The following VEGFC variants were observed in gnomAD, a reference collection of about 807,000 sequenced individuals.
VEGFC encodes the protein vascular endothelial growth factor C, also known as FLT4 ligand DHM.
A neutral mutation model predicts 46.1 loss-of-function variants in VEGFC; 12 were observed. The observed-to-expected ratio is 0.26, with a 90% CI of 0.17 to 0.42. VEGFC has a LOEUF of 0.42. VEGFC is among the 10% of genes least tolerant of loss of function. The pLI is 1.00. For missense variants in VEGFC, 488 were observed against 529.4 expected, an observed-to-expected ratio of 0.92 and a Z score of 0.77; for synonymous variants, 232 against 195.5, an observed-to-expected ratio of 1.19 and a Z score of -1.56.
In VEGFC at chr4:176,781,145, G is replaced by T. The variant is rs549697930; in HGVS notation, c.147+11020C>A. 5.1e-4 allele frequency among the ~76,000 whole-genome samples: 78 copies of T among 152,298 alleles called. 1 individual carries two copies. The highest frequency in any genetic ancestry group is 1.6e-3 in the African/African-American group (65 of 41,558). ...GTTAAGTGTGATGGTCATGACTCAT[G>T]AATAATTTTGGCCTTAATAAAATTC... On this transcript the variant is annotated intron_variant, in intron 1 of 6. Coordinates refer to ENST00000618562, the MANE Select transcript of VEGFC (RefSeq NM_005429.5).
At chr4:176,728,125 G>T (rs984646248) in intron 2 of VEGFC, among the ~76,000 whole-genome samples, 157 bp from the exon 3 acceptor site, 22 of 152,084 alleles carry the variant, frequency 1.4e-4, no homozygotes, top group African/African-American at 5.3e-4. Flanking sequence ...ATTGACTTGT[G>T]AATGAGAATG....
chr4:176,777,736 A>T (rs1190090599), intron 1 of VEGFC, among the ~76,000 whole-genome samples: 3 of 151,896 alleles, frequency 2.0e-5, no homozygotes, highest in Admixed American at 6.6e-5. Flanking sequence ...CCTGGTTAAC[A>T]TTGAAACCCT....
chr4:176,697,178 AC>A (rs1734331316), intron 4 of VEGFC, among the ~76,000 whole-genome samples: 1 of 151,772 alleles, frequency 6.6e-6, no homozygotes, highest in Non-Finnish European at 1.5e-5. Context: ...AAAAGAAACT[AC>A]CATCAGAGTG....
chr4:176,694,985 TA>T (rs1734281990), intron 4 of VEGFC, among the ~76,000 whole-genome samples: 1 of 132,248 alleles, frequency 7.6e-6, no homozygotes, highest in African/African-American at 3.2e-5. Context: ...AAGCAGTGTG[TA>T]GAGGGAAATT....
In VEGFC at chr4:176,692,943, A is replaced by C. The variant is rs1157850221; in HGVS notation, c.705-5016T>G. ...TGTCTGTTAGAAGGAAAACTAACAA[A>C]CAGAAAGGACATCCACACCGAAAAC... On this transcript the variant is annotated intron_variant, in intron 4 of 6. Coordinates refer to ENST00000618562, the MANE Select transcript of VEGFC (RefSeq NM_005429.5). 3.1e-4 allele frequency among the ~76,000 whole-genome samples: 46 copies of C among 148,882 alleles called. 1 individual carries two copies. The East Asian group carries it at 3.1e-3, about 10-fold the overall frequency.
intron 3 of VEGFC, among the ~76,000 whole-genome samples, chr4:176,721,038 T>C (rs1330559147): frequency 2.0e-5 from 3 of 151,860 alleles, no homozygotes; most frequent in Non-Finnish European, 4.4e-5. Flanking sequence ...GGATCATGTG[T>C]AGGGAGATGT....
At chr4:176,739,198 G>C (rs974627808) in intron 1 of VEGFC, among the ~76,000 whole-genome samples, 4 of 151,658 alleles carry the variant, frequency 2.6e-5, no homozygotes, top group African/African-American at 9.7e-5. Flanking sequence ...CCTTTACACT[G>C]TTTGTGGGAG....
chr4:176,685,722 G>T (rs1326715173), intron 6 of VEGFC, among the ~76,000 whole-genome samples: 1 of 151,932 alleles, frequency 6.6e-6, no homozygotes, highest in African/African-American at 2.4e-5. Context: ...TTTTTGAAAT[G>T]TCCTCTTGGT....
chr4:176,771,420 A>C (rs1297492162), intron 1 of VEGFC, among the ~76,000 whole-genome samples: 1 of 152,212 alleles, frequency 6.6e-6, no homozygotes, highest in African/African-American at 2.4e-5. Flanking sequence ...TTACCAAAAA[A>C]AATTGTTTAA....
In VEGFC at chr4:176,747,404, T is replaced by C. The variant is rs550064997; in HGVS notation, c.148-17658A>G. 2.6e-5 allele frequency among the ~76,000 whole-genome samples: 4 copies of C among 152,042 alleles called. No individual in the cohort carries two copies. In the South Asian group the frequency reaches 8.3e-4, roughly 31 times the overall value. ...ACAAATCCCTTTTAAAAAAAAGAAATAGCACAGTCTTTATTCAAAAACTCT... is the reference window on the plus strand; with the variant it reads ...ACAAATCCCTTTTAAAAAAAAGAAACAGCACAGTCTTTATTCAAAAACTCT... On this transcript the variant is annotated intron_variant, in intron 1 of 6. Transcript: ENST00000618562.
At chr4:176,693,276 G>A (rs1290819704) in intron 4 of VEGFC, among the ~76,000 whole-genome samples, 1 of 138,886 alleles carries the variant, frequency 7.2e-6, no homozygotes, top group Non-Finnish European at 1.5e-5. Context: ...ACAGAGAAGT[G>A]CTTAAAGGAG....
At chr4:176,786,573 G>A (rs1427108865) in intron 1 of VEGFC, among the ~76,000 whole-genome samples, 1 of 152,152 alleles carries the variant, frequency 6.6e-6, no homozygotes, top group Non-Finnish European at 1.5e-5. Context: ...CACTTACATG[G>A]TCTGGATTTA....
At chr4:176,791,903 A>G (rs1449701951) in intron 1 of VEGFC, among the ~76,000 whole-genome samples, 1 of 152,196 alleles carries the variant, frequency 6.6e-6, no homozygotes, top group Admixed American at 6.5e-5. Context: ...AGAGGAAACC[A>G]GTCTGAAATA....
intron 1 of VEGFC, among the ~76,000 whole-genome samples, chr4:176,769,970 T>G (rs1216050260): frequency 6.6e-6 from 1 of 152,188 alleles, no homozygotes; most frequent in African/African-American, 2.4e-5. Flanking sequence ...CCTGAAAATA[T>G]TATTTCCTAG....
intron 1 of VEGFC, among the ~76,000 whole-genome samples, chr4:176,771,375 T>C (rs1226191921): frequency 6.6e-6 from 1 of 152,176 alleles, no homozygotes; most frequent in East Asian, 1.9e-4. Flanking sequence ...TGTCTTTCCA[T>C]GTCAAATCCC....
At chr4:176,717,444 C>T (rs542458278) in intron 3 of VEGFC, among the ~76,000 whole-genome samples, 2 of 152,070 alleles carry the variant, frequency 1.3e-5, no homozygotes, top group Admixed American at 1.3e-4. Context: ...CAAATAAAGC[C>T]ACATTTTGAA....
intron 4 of VEGFC, among the ~76,000 whole-genome samples, chr4:176,696,468 C>G (rs1734315129): frequency 6.9e-6 from 1 of 144,326 alleles, no homozygotes; most frequent in Non-Finnish European, 1.5e-5. Flanking sequence ...CAAACCACTG[C>G]TCAAGGAAAT....
At chr4:176,750,898 T>C (rs1388018046) in intron 1 of VEGFC, among the ~76,000 whole-genome samples, 4 of 151,570 alleles carry the variant, frequency 2.6e-5, no homozygotes, top group Non-Finnish European at 5.9e-5. Flanking sequence ...AAAACTTCAG[T>C]AGCCCATGGG....
chr4:176,768,495 T>C (rs996014654), intron 1 of VEGFC, among the ~76,000 whole-genome samples: 8 of 141,216 alleles, frequency 5.7e-5, no homozygotes, highest in African/African-American at 2.0e-4. Flanking sequence ...TTTATACATA[T>C]ATATATATAT....
Sources: gnomAD v4.1 joint callset for allele counts (sites outside exome capture counted in the v4.1 genomes callset) on GRCh38, gnomAD v4.1.1 for gene constraint, MANE v1.5 for transcripts, NCBI Gene and HGNC (gene_info 2026-07-23, HGNC 2026-07-21) for gene names.